The following TNFRSF1B variants were observed in gnomAD, a reference collection of about 807,000 sequenced individuals.
The protein encoded by TNFRSF1B is tumor necrosis factor receptor superfamily member 1B.
In TNFRSF1B, 19 loss-of-function variants were observed where a neutral mutation model predicts 44.6. That is an observed-to-expected ratio of 0.43 (90% CI 0.30 to 0.62). The LOEUF (loss-of-function observed/expected upper bound fraction) is 0.62. Among genes scored for constraint, TNFRSF1B ranks in the 20% least tolerant of loss-of-function variants. The probability of loss-of-function intolerance (pLI) is 0.16; values close to 1 mark genes in which losing one functional copy is unlikely to be tolerated. For missense variants in TNFRSF1B, 541 were observed against 619.9 expected, an observed-to-expected ratio of 0.87 and a Z score of 1.35; for synonymous variants, 252 against 261.1, an observed-to-expected ratio of 0.97 and a Z score of 0.34.
Position 12,193,000 on chromosome 1 carries a change from C to T in TNFRSF1B, c.689C>T (p.Thr230Ile). 6.2e-7 allele frequency: 1 copy of T among 1,614,236 alleles called. No individual in the cohort carries two copies. The highest frequency in any genetic ancestry group is 8.5e-7 in the Non-Finnish European group (1 of 1,180,038). Residue 230 changes from threonine (T) to isoleucine (I), a missense_variant, in exon 6 of 10, where the codon ACT (threonine) becomes ATT (isoleucine). Physicochemically the swap from Thr to Ile is moderately conservative, Grantham distance 89. Coordinates refer to ENST00000376259, the MANE Select transcript of TNFRSF1B (RefSeq NM_001066.3). ...VSTRSQHTQP[T>I]PEPSTAPSTS... ...ACACGATCCCAACACACGCAGCCAA[C>T]TCCAGAACCCAGCACTGCTCCAAGC...
Position 12,178,953 on chromosome 1 carries a change from A to T in TNFRSF1B, c.79-9843A>T, listed in dbSNP as rs1638726470. On this transcript the variant is annotated intron_variant, in intron 1 of 9. Coordinates refer to ENST00000376259, the MANE Select transcript of TNFRSF1B (RefSeq NM_001066.3). The surrounding 1 kb of genome is among the most constrained non-coding windows in gnomAD (Gnocchi z 4.3). ...CAAGACCAAGGAGCCTGCAGCTGGC[A>T]GGAGATGCTGAGGGCAGCGAGGAGG... Among the ~76,000 whole-genome samples the T allele has an allele frequency of 6.6e-6, 1 of 152,130 alleles. No homozygotes were observed. The highest frequency in any genetic ancestry group is 6.5e-5 in the Admixed American group (1 of 15,282).
chr1:12,182,446 A>G (rs997330093), intron 1 of TNFRSF1B, among the ~76,000 whole-genome samples: 2 of 152,128 alleles, frequency 1.3e-5, no homozygotes, highest in African/African-American at 2.4e-5. Context: ...TGAATTCTCT[A>G]TTGAACGTGC....
chr1:12,170,723 C>T (rs901037944), intron 1 of TNFRSF1B, among the ~76,000 whole-genome samples: 9 of 152,224 alleles, frequency 5.9e-5, no homozygotes, highest in African/African-American at 1.2e-4. Context: ...AGTGCAGTGG[C>T]GACATCTCTG....
Position 12,207,359 on chromosome 1 carries a change from T to TTTTGTTTG in TNFRSF1B, c.*363_*370dup, listed in dbSNP as rs5746064. 10 of 307,848 alleles carry TTTTGTTTG rather than the reference T, an allele frequency of 3.2e-5. No homozygotes were observed. In the South Asian group the frequency reaches 4.4e-4, roughly 13 times the overall value. 19.1% of individuals were successfully genotyped at this position (307,848 alleles called of 1,614,324 possible). A position where few individuals can be genotyped will look rare whatever the true frequency, so the allele number is the denominator to read the frequency against. On this transcript the variant is annotated 3_prime_UTR_variant, in exon 10 of 10. Coordinates refer to ENST00000376259, the MANE Select transcript of TNFRSF1B (RefSeq NM_001066.3). ...GCCTGGCTTCTGGAGCCCTTGGGTTTTTTGTTTGTTTGTTTGTTTGTTTGT... is the reference window on the plus strand; with the variant it reads ...GCCTGGCTTCTGGAGCCCTTGGGTTTTTTGTTTGTTTGTTTGTTTGTTTGTTTGTTTGT...
chr1:12,168,165 C>T lies in TNFRSF1B; in HGVS notation c.78+996C>T, dbSNP rs1218283513. ...CCTCTCCTGCCTTCGGCCCCTGTGC[C>T]CTGAGGCTGCGGGGAAGGTGGGCGT... On this transcript the variant is annotated intron_variant, in intron 1 of 9. Transcript: ENST00000376259. This position sits in a 1 kb window ranked among gnomAD's most constrained non-coding sequence, Gnocchi z 4.7. Among the ~76,000 whole-genome samples, 2 of 152,240 alleles carry T rather than the reference C, an allele frequency of 1.3e-5. No individual in the cohort carries two copies. The highest frequency in any genetic ancestry group is 1.3e-4 in the Admixed American group (2 of 15,288).
intron 9 of TNFRSF1B, among the ~76,000 whole-genome samples, chr1:12,203,605 G>C (rs1419134311): frequency 6.6e-6 from 1 of 152,236 alleles, no homozygotes; most frequent in African/African-American, 2.4e-5. Context: ...ACTCCCTATG[G>C]GAGGGCCTGG....
In TNFRSF1B at chr1:12,188,959, G is replaced by C. The variant is rs1455074999; in HGVS notation, c.178+64G>C. 4.8e-6 allele frequency: 7 copies of C among 1,472,106 alleles called. No homozygotes were observed. In the African/African-American group the frequency reaches 9.7e-5, roughly 20 times the overall value. The allele number at this position is 1,472,106 out of a possible 1,614,324, so 91.2% of individuals were successfully genotyped here. A position where few individuals can be genotyped will look rare whatever the true frequency, so the allele number is the denominator to read the frequency against. ...GGAGGAGCGTGTGTGTACAGGGGCT[G>C]GGGCGCAAGAGCATAGCCCTTGATT... On this transcript the variant is annotated intron_variant, in intron 2 of 9. Coordinates refer to ENST00000376259, the MANE Select transcript of TNFRSF1B (RefSeq NM_001066.3).
chr1:12,174,388 C>T (rs1638605664), intron 1 of TNFRSF1B, among the ~76,000 whole-genome samples: 1 of 152,034 alleles, frequency 6.6e-6, no homozygotes, highest in Admixed American at 6.6e-5. Context: ...ACTGGGATTA[C>T]AGGCATGCAC....
At chr1:12,205,288 C>T (rs1160540026) in intron 9 of TNFRSF1B, among the ~76,000 whole-genome samples, 1 of 151,888 alleles carries the variant, frequency 6.6e-6, no homozygotes, top group Non-Finnish European at 1.5e-5. Context: ...ACCTGAAGGG[C>T]TCAAGGGGCT....
At chr1:12,197,893 AG>A (rs566956676) in intron 8 of TNFRSF1B, among the ~76,000 whole-genome samples, 40 of 152,010 alleles carry the variant, frequency 2.6e-4, no homozygotes, top group Non-Finnish European at 3.8e-4. Flanking sequence ...TGGGAGGCCG[AG>A]GGGGGCGGAT....
At chr1:12,174,158 CT>C (rs1638590490) in intron 1 of TNFRSF1B, among the ~76,000 whole-genome samples, 1 of 102,176 alleles carries the variant, frequency 9.8e-6, no homozygotes, top group Non-Finnish European at 1.9e-5. Context: ...TCTTCTTCTT[CT>C]TCTTCTCCTT....
intron 8 of TNFRSF1B, among the ~76,000 whole-genome samples, chr1:12,198,170 C>A (rs1026600357): frequency 2.6e-5 from 4 of 152,016 alleles, no homozygotes; most frequent in Admixed American, 6.6e-5. Flanking sequence ...CACAATCACC[C>A]CCATGGACAC....
intron 8 of TNFRSF1B, among the ~76,000 whole-genome samples, chr1:12,197,249 C>A (rs888391724): frequency 1.3e-5 from 2 of 152,172 alleles, no homozygotes; most frequent in African/African-American, 4.8e-5. Flanking sequence ...CGCCTGGCCC[C>A]TTTCCTTTCA....
At chr1:12,194,922 C>T (rs1639234007) in intron 8 of TNFRSF1B, among the ~76,000 whole-genome samples, 1 of 152,222 alleles carries the variant, frequency 6.6e-6, no homozygotes, top group East Asian at 1.9e-4. Context: ...ACTTCCTTAC[C>T]ATGAGATGGG....
At chr1:12,205,045 T>G (rs980073811) in intron 9 of TNFRSF1B, among the ~76,000 whole-genome samples, 1 of 151,912 alleles carries the variant, frequency 6.6e-6, no homozygotes, top group Non-Finnish European at 1.5e-5. Flanking sequence ...CCTACCCTCC[T>G]GGGTTCAGAG....
At chr1:12,185,441 C>CG (rs1460369521) in intron 1 of TNFRSF1B, among the ~76,000 whole-genome samples, 3 of 152,238 alleles carry the variant, frequency 2.0e-5, no homozygotes, top group South Asian at 4.1e-4. Flanking sequence ...GTGAGCTCCC[C>CG]CCACACTGTG....
intron 1 of TNFRSF1B, among the ~76,000 whole-genome samples, chr1:12,181,087 G>A (rs1247475382): frequency 1.3e-5 from 2 of 152,164 alleles, no homozygotes; most frequent in African/African-American, 4.8e-5. Flanking sequence ...CTGAGGAACG[G>A]GCCTGGTGCC....
chr1:12,174,149 CT>C lies in TNFRSF1B; in HGVS notation c.78+6982del, dbSNP rs779918178. On this transcript the variant is annotated intron_variant, in intron 1 of 9. Transcript: ENST00000376259. ...TCTTCTTCTTCTTCTTCTTCTTCTT[CT>C]TCTTCTTCTTCTTCTCCTTCTCCTT... 2.6e-3 allele frequency among the ~76,000 whole-genome samples: 244 copies of C among 92,992 alleles called. 2 individuals carry two copies. Among genetic ancestry groups the C allele is most frequent in the Admixed American group, 4.9e-3 (46 of 9,356 alleles). 61.0% of individuals were successfully genotyped at this position (92,992 alleles called of 152,430 possible).
In TNFRSF1B at chr1:12,207,156, C is replaced by T. The variant is rs1455958825; in HGVS notation, c.*136C>T. The T allele has an allele frequency of 1.2e-5, 11 of 928,540 alleles. No individual in the cohort carries two copies. The highest frequency in any genetic ancestry group is 1.5e-5 in the Non-Finnish European group (10 of 659,316). The allele number at this position is 928,540 out of a possible 1,614,324, so 57.5% of individuals were successfully genotyped here. ...TTTCTGGGCCAAGTTCCTCTAGTGCCCTCCACAGCCGCAGCCTCCCTCTGA... is the reference window on the plus strand; with the variant it reads ...TTTCTGGGCCAAGTTCCTCTAGTGCTCTCCACAGCCGCAGCCTCCCTCTGA... On this transcript the variant is annotated 3_prime_UTR_variant, in exon 10 of 10. Transcript: ENST00000376259.
Sources: allele counts gnomAD v4.1 joint callset (sites outside exome capture counted in the v4.1 genomes callset), GRCh38; gene constraint gnomAD v4.1.1; non-coding constraint Gnocchi (gnomAD v3.1); transcripts MANE v1.5; gene names NCBI Gene and HGNC (gene_info 2026-07-23, HGNC 2026-07-21).